The following DNAH10 variants were observed in gnomAD, a reference collection of about 807,000 sequenced individuals.
DNAH10 encodes dynein axonemal heavy chain 10, also known as axonemal beta dynein heavy chain 10.
A neutral mutation model predicts 506.6 loss-of-function variants in DNAH10; 348 were observed. That is an observed-to-expected ratio of 0.69 (90% CI 0.63 to 0.75). The LOEUF (loss-of-function observed/expected upper bound fraction) is 0.75, where lower values mean the gene tolerates loss of function less well. DNAH10 is among the 30% of genes least tolerant of loss of function. The pLI, the probability that DNAH10 is intolerant of heterozygous loss-of-function variation, is 0.00. For missense variants in DNAH10, 5,179 were observed against 5,787.1 expected (o/e 0.89, Z 3.41); for synonymous variants, 2,059 against 2,198.6 (o/e 0.94, Z 1.78).
At position 123,845,829 on chromosome 12, in the gene DNAH10, G is replaced by A. The variant is rs1950929438; in HGVS notation, c.5590G>A (p.Val1864Met). 1.9e-6 allele frequency: 3 copies of A among 1,613,942 alleles called. No individual in the cohort carries two copies. The highest frequency in any genetic ancestry group is 1.7e-6 in the Non-Finnish European group (2 of 1,179,908). The change falls in exon 31 of 79, where the codon GTG (valine) becomes ATG (methionine). Residue 1864 changes from valine to methionine, a missense_variant. This residue lies in a region of DNAH10 where 4,844 missense variants were observed against 5,430.5 expected (regional missense o/e 0.89). Coordinates refer to ENST00000673944, the MANE Select transcript of DNAH10 (RefSeq NM_001372106.1). Reference sequence around the variant, plus strand: ...ATACAACACTGTTCTCATCATTGATGTGCATGCCAGAGACATAGTTGATTC... The same window carrying A: ...ATACAACACTGTTCTCATCATTGATATGCATGCCAGAGACATAGTTGATTC... Reference protein sequence around the residue: ...KKYNTVLIIDVHARDIVDSFI... With the variant: ...KKYNTVLIIDMHARDIVDSFI...
At chr12:123,865,188 A>G (rs1039429601) in intron 40 of DNAH10, among the ~76,000 whole-genome samples, 1 of 152,170 alleles carries the variant, frequency 6.6e-6, no homozygotes, top group Non-Finnish European at 1.5e-5. Context: ...TTTCTTTTAG[A>G]GCCATTTCCT....
chr12:123,933,846 CCT>C (rs1356177110), intron 77 of DNAH10, among the ~76,000 whole-genome samples: 3 of 152,204 alleles, frequency 2.0e-5, no homozygotes, highest in African/African-American at 7.2e-5. Context: ...TCTTGTAACC[CCT>C]GACGGGGCCA....
intron 38 of DNAH10, among the ~76,000 whole-genome samples, chr12:123,859,802 G>A (rs1351463254): frequency 6.6e-6 from 1 of 152,106 alleles, no homozygotes; most frequent in African/African-American, 2.4e-5. Context: ...GGGAGGCCTG[G>A]GTGGGAGGAT....
intron 37 of DNAH10, 50 bp downstream of exon 37, chr12:123,857,297 C>A: frequency 6.9e-7 from 1 of 1,448,528 alleles, no homozygotes; most frequent in Non-Finnish European, 9.2e-7. Context: ...TTTCCATTGG[C>A]TTTTTGTTTT....
At chr12:123,768,361 C>T (rs1375168957) in intron 2 of DNAH10, among the ~76,000 whole-genome samples, 1 of 151,978 alleles carries the variant, frequency 6.6e-6, no homozygotes, top group Non-Finnish European at 1.5e-5. Context: ...TCTTGAACTC[C>T]CGTCCTCAGG....
intron 19 of DNAH10, among the ~76,000 whole-genome samples, chr12:123,810,220 T>C (rs1344143454): frequency 6.6e-6 from 1 of 152,172 alleles, no homozygotes; most frequent in African/African-American, 2.4e-5. Context: ...TTACCCCAAA[T>C]TGGAAAATAG....
intron 77 of DNAH10, 115 bp downstream of exon 77, chr12:123,933,626 G>A: frequency 5.8e-6 from 7 of 1,217,058 alleles, no homozygotes; most frequent in Non-Finnish European, 7.9e-6. Context: ...GGCCATGTTT[G>A]AAAGCCAGCC....
In DNAH10 at chr12:123,800,303, A is replaced by T. The variant is rs1237025666; in HGVS notation, c.2377A>T (p.Asn793Tyr). The T allele has an allele frequency of 6.2e-7, 1 of 1,614,172 alleles. No individual in the cohort carries two copies. Residue 793 changes from asparagine to tyrosine, a missense_variant, in exon 15 of 79, where the codon AAT becomes TAT. Transcript: ENST00000673944. ...NFSPALREIINETKYLEQLGF... is the reference protein window; with the variant it reads ...NFSPALREIIYETKYLEQLGF... ...TTCACCGGCTCTCAGAGAGATTATTAATGAAACAAAGTACTTAGAGCAGCT... is the reference window on the plus strand; with the variant it reads ...TTCACCGGCTCTCAGAGAGATTATTTATGAAACAAAGTACTTAGAGCAGCT...
At chr12:123,833,024 C>A in intron 26 of DNAH10, 90 bp from the exon 27 acceptor site, 3 of 992,242 alleles carry the variant, frequency 3.0e-6, no homozygotes, top group East Asian at 2.6e-5. Flanking sequence ...GCATTGTTGG[C>A]CAAAAGCAAG....
rs1014826226 is a variant in DNAH10 at position 123,917,872 on chromosome 12, C to T, written c.11232+59C>T. 1.5e-5 allele frequency: 23 copies of T among 1,505,194 alleles called. No individual in the cohort carries two copies. The highest frequency in any genetic ancestry group is 4.1e-5 in the Admixed American group (2 of 49,064). The allele number at this position is 1,505,194 out of a possible 1,614,324, so 93.2% of individuals were successfully genotyped here. A position where few individuals can be genotyped will look rare whatever the true frequency, so the allele number is the denominator to read the frequency against. Reference sequence around the variant, plus strand: ...GCGGGGCCTGCATGCGCCGTTGGAGCGTCCATTTCTCTGTCTGCTCAATGA... The same window carrying T: ...GCGGGGCCTGCATGCGCCGTTGGAGTGTCCATTTCTCTGTCTGCTCAATGA... On this transcript the variant is annotated intron_variant, in intron 64 of 78. Coordinates refer to ENST00000673944, the MANE Select transcript of DNAH10 (RefSeq NM_001372106.1). The surrounding 1 kb of genome is among the most constrained non-coding windows in gnomAD (Gnocchi z 5.6).
intron 76 of DNAH10, 125 bp downstream of exon 76, chr12:123,932,233 T>C: frequency 8.5e-7 from 1 of 1,180,788 alleles, no homozygotes. Flanking sequence ...TTGGGTGCTC[T>C]GGAAATGGTC....
intron 11 of DNAH10, among the ~76,000 whole-genome samples, chr12:123,790,370 T>G (rs1958033882): frequency 6.6e-6 from 1 of 152,228 alleles, no homozygotes; most frequent in Non-Finnish European, 1.5e-5. Flanking sequence ...ACAGTAGCAT[T>G]TCTACAAAGT....
chr12:123,923,668 C>T, intron 65 of DNAH10, 95 bp from the exon 66 acceptor site: 1 of 769,798 alleles, frequency 1.3e-6, no homozygotes, highest in Non-Finnish European at 2.1e-6. Context: ...TCGAGTGTTT[C>T]ATTTATCTTA....
At chr12:123,877,621 C>A in intron 47 of DNAH10, 115 bp from the exon 48 acceptor site, 2 of 1,386,814 alleles carry the variant, frequency 1.4e-6, no homozygotes, top group Non-Finnish European at 1.9e-6. Context: ...TGGCCAACTT[C>A]ATTCCTTTCT....
chr12:123,932,926 G>A (rs1955287796), intron 76 of DNAH10, among the ~76,000 whole-genome samples: 1 of 152,260 alleles, frequency 6.6e-6, no homozygotes. Context: ...TTAGCCCTTG[G>A]TCTGCCAGTG....
intron 3 of DNAH10, 132 bp downstream of exon 3, chr12:123,771,830 C>T (rs1420276153): frequency 4.3e-5 from 32 of 750,852 alleles, no homozygotes; most frequent in Non-Finnish European, 6.5e-5. Flanking sequence ...ATCCCAAGGC[C>T]ACCCTCAGAT....
At chr12:123,806,991 A>G (rs1340284149) in intron 18 of DNAH10, among the ~76,000 whole-genome samples, 1 of 152,122 alleles carries the variant, frequency 6.6e-6, no homozygotes, top group Non-Finnish European at 1.5e-5. Context: ...GATGGTTTCA[A>G]TGTCCTGACC....
At position 123,855,727 on chromosome 12, in the gene DNAH10, G is replaced by T. The variant is rs1951361144; in HGVS notation, c.6439-1329G>T. On this transcript the variant is annotated intron_variant, in intron 36 of 78. Coordinates refer to ENST00000673944, the MANE Select transcript of DNAH10 (RefSeq NM_001372106.1). ...GTTCTTCCTGTAATAAGGAACCTTT[G>T]CTTTAGCGTAGATGGCCATACCCCT... Among the ~76,000 whole-genome samples the T allele has an allele frequency of 1.3e-5, 2 of 149,516 alleles. 1 individual carries two copies. Among genetic ancestry groups the T allele is most frequent in the South Asian group, 4.2e-4 (2 of 4,748 alleles).
At chr12:123,765,891 C>T (rs571797837) in intron 1 of DNAH10, among the ~76,000 whole-genome samples, 3 of 151,488 alleles carry the variant, frequency 2.0e-5, no homozygotes, top group East Asian at 2.0e-4. Flanking sequence ...TGTCTACCTA[C>T]CTAATTACCT....
Sources: gnomAD v4.1 joint callset for allele counts (sites outside exome capture counted in the v4.1 genomes callset) on GRCh38, gnomAD v4.1.1 for gene constraint, gnomAD v4.1.1 regional missense constraint, Gnocchi (gnomAD v3.1) non-coding constraint, MANE v1.5 for transcripts, NCBI Gene and HGNC (gene_info 2026-07-23, HGNC 2026-07-21) for gene names.